RALGAPA2: variants seen among roughly 807,000 people sequenced by gnomAD.
The protein encoded by RALGAPA2 is Ral GTPase activating protein catalytic subunit alpha 2, also known as ral GTPase-activating protein subunit alpha-2.
Under a neutral mutation model 230.4 loss-of-function variants are expected in RALGAPA2, and 139 were observed. The ratio of observed to expected loss-of-function variants is 0.60; its 90% CI spans 0.53 to 0.69. The LOEUF (loss-of-function observed/expected upper bound fraction) is 0.69. RALGAPA2 is among the 30% of genes least tolerant of loss of function. RALGAPA2 has a pLI of 0.00. For missense variants in RALGAPA2, 2,163 were observed against 2,276.0 expected (o/e 0.95, Z 1.01); for synonymous variants, 847 against 837.8 (o/e 1.01, Z -0.19).
At chr20:20,428,315 T>C (rs1216983951) in intron 37 of RALGAPA2, among the ~76,000 whole-genome samples, 2 of 152,180 alleles carry the variant, frequency 1.3e-5, no homozygotes, top group Non-Finnish European at 2.9e-5. Flanking sequence ...TCACTTGATA[T>C]CATCTTCGTG....
intron 18 of RALGAPA2, among the ~76,000 whole-genome samples, chr20:20,588,626 C>T (rs1020394858): frequency 6.6e-6 from 1 of 151,956 alleles, no homozygotes; most frequent in African/African-American, 2.4e-5. Flanking sequence ...CTGGTACATG[C>T]CCTTTTTAAA....
chr20:20,660,397 G>A (rs962205970), intron 3 of RALGAPA2, among the ~76,000 whole-genome samples: 1 of 152,152 alleles, frequency 6.6e-6, no homozygotes, highest in Non-Finnish European at 1.5e-5. Context: ...TGACTGACCT[G>A]TCTGAGAGAT....
intron 1 of RALGAPA2, among the ~76,000 whole-genome samples, chr20:20,708,334 A>T (rs2069692217): frequency 6.6e-6 from 1 of 152,198 alleles, no homozygotes; most frequent in Non-Finnish European, 1.5e-5. Context: ...TAAAACGTTG[A>T]TATGATTTGG....
At chr20:20,711,584 T>C (rs891653085) in intron 1 of RALGAPA2, among the ~76,000 whole-genome samples, 1 of 152,076 alleles carries the variant, frequency 6.6e-6, no homozygotes, top group African/African-American at 2.4e-5. Flanking sequence ...GCGAGCTTCA[T>C]CACAGGTCAA....
At chr20:20,692,101 G>A (rs1014601763) in intron 1 of RALGAPA2, among the ~76,000 whole-genome samples, 3 of 152,062 alleles carry the variant, frequency 2.0e-5, no homozygotes, top group African/African-American at 4.8e-5. Context: ...CATGCTTCTT[G>A]TATAGCCTGC....
intron 16 of RALGAPA2, among the ~76,000 whole-genome samples, chr20:20,592,797 T>C (rs1233469259): frequency 6.6e-6 from 1 of 152,162 alleles, no homozygotes. Flanking sequence ...AGATTCTACA[T>C]TTAATACAGA....
intron 37 of RALGAPA2, among the ~76,000 whole-genome samples, chr20:20,435,715 C>T (rs1474943450): frequency 3.9e-5 from 6 of 152,158 alleles, no homozygotes; most frequent in Admixed American, 6.5e-5. Flanking sequence ...GATGCTGCCC[C>T]GGAGTCCCAG....
Position 20,524,476 on chromosome 20 carries a change from T to A in RALGAPA2, c.3830A>T (p.His1277Leu), listed in dbSNP as rs770516388. ...CMALPVSVLL[H>L]PVSTAVLEEQ... is the part of the protein sequence containing the mutation. ...CTCTAGGACTGCTGTGGACACGGGG[T>A]GGAGAAGGACACTCACGGGCAATGC... Residue 1277 changes from histidine (H) to leucine (L), a missense_variant, in exon 30 of 40, where the codon CAC (histidine) becomes CTC (leucine). Physicochemically the swap from His to Leu is moderately conservative, Grantham distance 99. Coordinates refer to ENST00000202677, the MANE Select transcript of RALGAPA2 (RefSeq NM_020343.4). The A allele has an allele frequency of 1.2e-6, 2 of 1,613,380 alleles. No individual in the cohort carries two copies. Among genetic ancestry groups the A allele is most frequent in the Non-Finnish European group, 1.7e-6 (2 of 1,179,718 alleles).
At chr20:20,615,791 T>C (rs985205153) in intron 13 of RALGAPA2, among the ~76,000 whole-genome samples, 1 of 128,160 alleles carries the variant, frequency 7.8e-6, no homozygotes, top group Admixed American at 7.9e-5. Context: ...ATGTTTAACG[T>C]TTAAAAGGAA....
At chr20:20,618,525 G>T (rs2066221098) in intron 12 of RALGAPA2, among the ~76,000 whole-genome samples, 1 of 151,888 alleles carries the variant, frequency 6.6e-6, no homozygotes, top group African/African-American at 2.4e-5. Context: ...AGAAACAGAT[G>T]ACAGAAAATT....
chr20:20,512,473 A>T, intron 32 of RALGAPA2, 40 bp downstream of exon 32: 1 of 1,480,964 alleles, frequency 6.8e-7, no homozygotes, highest in Non-Finnish European at 9.0e-7. Context: ...GTACATGAAA[A>T]TAATGATAAA....
chr20:20,543,221 AT>A (rs1321371454), intron 24 of RALGAPA2, among the ~76,000 whole-genome samples: 1 of 151,564 alleles, frequency 6.6e-6, no homozygotes, highest in Non-Finnish European at 1.5e-5. Flanking sequence ...GTTTTTTTTT[AT>A]TTTTATTAGA....
At chr20:20,536,127 T>C (rs1216201652) in intron 25 of RALGAPA2, among the ~76,000 whole-genome samples, 2 of 152,266 alleles carry the variant, frequency 1.3e-5, no homozygotes, top group Admixed American at 6.5e-5. Context: ...CACTGAATTA[T>C]ATACTGTAAT....
chr20:20,683,578 A>T (rs941262282), intron 1 of RALGAPA2, among the ~76,000 whole-genome samples: 4 of 152,160 alleles, frequency 2.6e-5, no homozygotes, highest in African/African-American at 9.7e-5. Flanking sequence ...CCACTCCCAG[A>T]TCTTCATGCA....
At chr20:20,476,936 A>G (rs1485120555) in intron 36 of RALGAPA2, among the ~76,000 whole-genome samples, 1 of 152,162 alleles carries the variant, frequency 6.6e-6, no homozygotes, top group African/African-American at 2.4e-5. Flanking sequence ...AAATAATCCA[A>G]ATATAATGAC....
In RALGAPA2 at chr20:20,619,322, C is replaced by G. The variant is rs200420932; in HGVS notation, c.1494G>C (p.Glu498Asp). Residue 498 changes from glutamate to aspartate, a missense_variant, in exon 12 of 40, where the codon GAG becomes GAC. Coordinates refer to ENST00000202677, the MANE Select transcript of RALGAPA2 (RefSeq NM_020343.4). Reference protein sequence around the residue: ...TSAMSRGCVTEEENTNVKAGV... With the variant: ...TSAMSRGCVTDEENTNVKAGV... ...CGGCTTTCACATTTGTATTTTCCTC[C>G]TCTGTCACACACCCTCTGCTCATTG... 4.3e-6 allele frequency: 7 copies of G among 1,611,490 alleles called. No homozygotes were observed. The East Asian group carries it at 1.3e-4, about 31-fold the overall frequency.
At chr20:20,608,729 A>G (rs2065895705) in intron 14 of RALGAPA2, among the ~76,000 whole-genome samples, 1 of 152,224 alleles carries the variant, frequency 6.6e-6, no homozygotes, top group African/African-American at 2.4e-5. Context: ...CCAGACCCTT[A>G]GTATTCTTGC....
chr20:20,526,319 T>C lies in RALGAPA2; in HGVS notation c.3626A>G (p.Gln1209Arg). The change falls in exon 28 of 40, where the codon CAG (glutamine) becomes CGG (arginine). Residue 1209 changes from glutamine to arginine, a missense_variant. Physicochemically the swap from Gln to Arg is conservative, Grantham distance 43. Coordinates refer to ENST00000202677, the MANE Select transcript of RALGAPA2 (RefSeq NM_020343.4). ...CTTCTCCCAGTAGGAAACCAGCAAC[T>C]GAAGGACATCGCAAGCTACCTGGGC... ...IVAQVACDVL[Q>R]LLVSYWEKLQ... 1 of 1,608,208 alleles carries C rather than the reference T, an allele frequency of 6.2e-7. No individual in the cohort carries two copies. Among genetic ancestry groups the C allele is most frequent in the South Asian group, 1.1e-5 (1 of 89,022 alleles).
chr20:20,520,880 CCT>C, intron 31 of RALGAPA2, 35 bp downstream of exon 31: 1 of 1,475,616 alleles, frequency 6.8e-7, no homozygotes, highest in African/African-American at 1.4e-5. Flanking sequence ...CCTTCCTTTT[CCT>C]TCCCACAAGA....
Sources: allele counts gnomAD v4.1 joint callset (sites outside exome capture counted in the v4.1 genomes callset), GRCh38; gene constraint gnomAD v4.1.1; transcripts MANE v1.5; gene names NCBI Gene and HGNC (gene_info 2026-07-23, HGNC 2026-07-21).